The following KCNIP4 variants were observed in gnomAD, a reference collection of about 807,000 sequenced individuals.
The protein encoded by KCNIP4 is Kv channel-interacting protein 4.
KCNIP4 carries 12 observed loss-of-function variants against 34.0 expected under a neutral mutation model. The ratio of observed to expected loss-of-function variants is 0.35; its 90% CI spans 0.23 to 0.57. The LOEUF (loss-of-function observed/expected upper bound fraction) is 0.57. Ranked by LOEUF, KCNIP4 falls within the 20% of genes least tolerant of loss-of-function variation. The pLI, the probability that KCNIP4 is intolerant of heterozygous loss-of-function variation, is 0.83. For missense variants in KCNIP4, 238 were observed against 311.7 expected (o/e 0.76, Z 1.78); for synonymous variants, 124 against 102.2 (o/e 1.21, Z -1.29).
intron 1 of KCNIP4, among the ~76,000 whole-genome samples, chr4:21,516,161 T>C (rs754379734): frequency 2.6e-5 from 4 of 152,046 alleles, no homozygotes; most frequent in Non-Finnish European, 5.9e-5. Flanking sequence ...GAAGCAAGGG[T>C]GTAGGTAAGG....
intron 1 of KCNIP4, among the ~76,000 whole-genome samples, chr4:20,951,661 T>C (rs534656439): frequency 1.8e-4 from 28 of 152,292 alleles, no homozygotes; most frequent in African/African-American, 6.7e-4. Flanking sequence ...TTCTGTACAA[T>C]TGAGACCTAA....
intron 1 of KCNIP4, among the ~76,000 whole-genome samples, chr4:21,870,051 A>G (rs12512316): frequency 0.41 from 61,848 of 151,970 alleles, 13,031 homozygotes; most frequent in Non-Finnish European, 0.46. Context: ...ATCTGCGGCA[A>G]GGTAAGTAAG....
At chr4:21,114,719 A>G (rs973321742) in intron 1 of KCNIP4, among the ~76,000 whole-genome samples, 21 of 152,124 alleles carry the variant, frequency 1.4e-4, no homozygotes, top group Admixed American at 3.3e-4. Flanking sequence ...CAATACTTTG[A>G]AACACAGAAT....
intron 3 of KCNIP4, among the ~76,000 whole-genome samples, chr4:20,815,828 G>C (rs1310892229): frequency 1.3e-5 from 2 of 152,100 alleles, no homozygotes; most frequent in Non-Finnish European, 2.9e-5. Flanking sequence ...CATTTTCTAC[G>C]GTTTTGTAGT....
intron 1 of KCNIP4, among the ~76,000 whole-genome samples, chr4:21,213,446 C>T (rs188717711): frequency 5.3e-5 from 8 of 152,050 alleles, no homozygotes; most frequent in East Asian, 1.9e-4. Context: ...GGATTACAGA[C>T]GCACACCACC....
chr4:21,771,540 G>A (rs1402583804), intron 1 of KCNIP4, among the ~76,000 whole-genome samples: 1 of 152,060 alleles, frequency 6.6e-6, no homozygotes, highest in African/African-American at 2.4e-5. Context: ...GGGCATTATG[G>A]CCATTTTCAT....
chr4:20,984,017 A>G, intron 1 of KCNIP4: 3 of 1,498,880 alleles, frequency 2.0e-6, no homozygotes, highest in Non-Finnish European at 2.7e-6. Context: ...CTTGGAACAA[A>G]GACTTGCAAG....
chr4:21,276,874 T>G (rs1560244003), intron 1 of KCNIP4, among the ~76,000 whole-genome samples: 1 of 152,204 alleles, frequency 6.6e-6, no homozygotes. Flanking sequence ...TTTATTTTAA[T>G]ATCAGTGTCA....
chr4:21,194,228 G>A (rs1007337905), intron 1 of KCNIP4, among the ~76,000 whole-genome samples: 2 of 152,030 alleles, frequency 1.3e-5, no homozygotes, highest in Non-Finnish European at 2.9e-5. Context: ...GGCAATTATG[G>A]TTTTCTCCTC....
intron 1 of KCNIP4, among the ~76,000 whole-genome samples, chr4:21,392,180 C>T (rs1188818221): frequency 6.6e-6 from 1 of 152,194 alleles, no homozygotes; most frequent in Non-Finnish European, 1.5e-5. Flanking sequence ...AGCAGCACTT[C>T]CCAGCTATCT....
At chr4:21,604,900 G>A (rs1022982654) in intron 1 of KCNIP4, among the ~76,000 whole-genome samples, 2 of 152,026 alleles carry the variant, frequency 1.3e-5, no homozygotes, top group African/African-American at 4.8e-5. Flanking sequence ...AAGCCTCCAA[G>A]AGGTCAGATT....
intron 1 of KCNIP4, among the ~76,000 whole-genome samples, chr4:21,759,366 G>T (rs1285063560): frequency 2.0e-5 from 3 of 152,116 alleles, no homozygotes; most frequent in Admixed American, 6.6e-5. Flanking sequence ...AACATTGGCT[G>T]CATTTCATGT....
At chr4:20,751,044 G>A (rs957025028) in intron 4 of KCNIP4, among the ~76,000 whole-genome samples, 1 of 152,136 alleles carries the variant, frequency 6.6e-6, no homozygotes, top group Non-Finnish European at 1.5e-5. Context: ...CCTCCTTACA[G>A]GTTGTTTTTC....
At chr4:21,610,696 C>T (rs550862063) in intron 1 of KCNIP4, among the ~76,000 whole-genome samples, 1 of 152,082 alleles carries the variant, frequency 6.6e-6, no homozygotes, top group South Asian at 2.1e-4. Flanking sequence ...TTTCATACTG[C>T]TACAAAGAAA....
intron 1 of KCNIP4, among the ~76,000 whole-genome samples, chr4:20,939,661 C>G (rs1351094523): frequency 6.6e-6 from 1 of 152,068 alleles, no homozygotes; most frequent in Non-Finnish European, 1.5e-5. Context: ...TATGAGCCAC[C>G]ACGCCTGGCC....
At chr4:21,113,623 A>AAAAACAATT (rs1339757294) in intron 1 of KCNIP4, among the ~76,000 whole-genome samples, 1 of 152,186 alleles carries the variant, frequency 6.6e-6, no homozygotes, top group East Asian at 1.9e-4. Flanking sequence ...CTTAAGCACC[A>AAAAACAATT]AAAACAATTA....
intron 1 of KCNIP4, among the ~76,000 whole-genome samples, chr4:20,889,009 A>C (rs1423376905): frequency 1.3e-5 from 2 of 151,992 alleles, no homozygotes; most frequent in African/African-American, 4.8e-5. Flanking sequence ...TGTAACAGGT[A>C]AAATTAATCT....
At chr4:21,189,362 G>A (rs1478869983) in intron 1 of KCNIP4, among the ~76,000 whole-genome samples, 2 of 152,112 alleles carry the variant, frequency 1.3e-5, no homozygotes, top group Middle Eastern at 3.4e-3. Context: ...TTTAAACTTC[G>A]AGAAAAAGCA....
intron 1 of KCNIP4, among the ~76,000 whole-genome samples, chr4:21,911,834 T>C (rs1728352295): frequency 6.6e-6 from 1 of 152,122 alleles, no homozygotes; most frequent in Admixed American, 6.6e-5. Context: ...TTCTTCATCA[T>C]CATTGCCTGT....
Sources: allele counts gnomAD v4.1 joint callset (sites outside exome capture counted in the v4.1 genomes callset), GRCh38; gene constraint gnomAD v4.1.1; transcripts MANE v1.5; gene names NCBI Gene and HGNC (gene_info 2026-07-23, HGNC 2026-07-21).